SRCAP: variants seen among roughly 807,000 people sequenced by gnomAD.
SRCAP encodes the protein chromatin remodeling protein SRCAP.
A neutral mutation model predicts 263.1 loss-of-function variants in SRCAP; 46 were observed. That is an observed-to-expected ratio of 0.17 (90% CI 0.14 to 0.22). The LOEUF is 0.22. Among genes scored for constraint, SRCAP ranks in the 10% least tolerant of loss-of-function variants. The pLI, the probability that SRCAP is intolerant of heterozygous loss-of-function variation, is 1.00. For synonymous variants in SRCAP, 1,813 were observed against 1,662.1 expected, an observed-to-expected ratio of 1.09 and a Z score of -2.21; for missense variants, 3,695 against 4,181.9, an observed-to-expected ratio of 0.88 and a Z score of 3.21.
intron 3 of SRCAP, among the ~76,000 whole-genome samples, chr16:30,702,550 T>C (rs2052777807): frequency 3.1e-5 from 4 of 127,042 alleles, no homozygotes; most frequent in African/African-American, 6.0e-5. Context: ...TCCACCCTCC[T>C]TCCCTCCCTC....
chr16:30,735,136 A>ATTTTTTT lies in SRCAP; in HGVS notation c.6729+543_6729+549dup, dbSNP rs10532453. Among the ~76,000 whole-genome samples the ATTTTTTT allele has an allele frequency of 1.9e-5, 2 of 106,498 alleles. 1 individual carries two copies. Among genetic ancestry groups the ATTTTTTT allele is most frequent in the African/African-American group, 8.8e-5 (2 of 22,834 alleles). The allele number at this position is 106,498 out of a possible 152,430, so 69.9% of individuals were successfully genotyped here. ...CAGCGTTTCACATTAAGTACAAAGCATTTTTTTTTTTTTTTTTTTTTTTTT... is the reference window on the plus strand; with the variant it reads ...CAGCGTTTCACATTAAGTACAAAGCATTTTTTTTTTTTTTTTTTTTTTTTTTTTTTTT... On this transcript the variant is annotated intron_variant, in intron 31 of 33. Coordinates refer to ENST00000262518, the MANE Select transcript of SRCAP (RefSeq NM_006662.3).
Position 30,721,426 on chromosome 16 carries a change from C to G in SRCAP, c.3491C>G (p.Pro1164Arg). ...ATTTAVPAPTPAPQRLILSPD... is the reference protein window; with the variant it reads ...ATTTAVPAPTRAPQRLILSPD... The stretch of plus-strand genomic sequence containing the variant: ...ACCACAGCAGTGCCAGCTCCGACTC[C>G]TGCACCACAGCGCCTCATTCTATCT... The change falls in exon 21 of 34, where the codon CCT becomes CGT. Residue 1164 changes from proline (P) to arginine (R), a missense_variant. Physicochemically the swap from Pro to Arg is moderately radical, Grantham distance 103. This residue lies in a region of SRCAP where 1,347 missense variants were observed against 1,304.4 expected (regional missense o/e 1.03). Transcript: ENST00000262518. The G allele has an allele frequency of 6.2e-7, 1 of 1,613,246 alleles. No individual in the cohort carries two copies. The highest frequency in any genetic ancestry group is 8.5e-7 in the Non-Finnish European group (1 of 1,180,038).
rs747506695 is a variant in SRCAP at position 30,722,300 on chromosome 16, AC to A, written c.3706+19del. The A allele has an allele frequency of 6.2e-7, 1 of 1,608,778 alleles. No homozygotes were observed. Among genetic ancestry groups the A allele is most frequent in the South Asian group, 1.1e-5 (1 of 90,748 alleles). ...GCCCGCTGCAAAGTAGGTAAAACCC[AC>A]CCCCTGTCCTGCCTTTTTCCTCCTC... is the stretch of plus-strand genomic sequence containing the variant. On this transcript the variant is annotated intron_variant, in intron 22 of 33. Transcript: ENST00000262518.
chr16:30,721,736 G>A (rs1313261049), intron 21 of SRCAP, among the ~76,000 whole-genome samples: 1 of 152,254 alleles, frequency 6.6e-6, no homozygotes, highest in East Asian at 1.9e-4. Context: ...CATTATGCCA[G>A]ACATTGTCAG....
At position 30,736,491 on chromosome 16, in the gene SRCAP, G is replaced by A. The variant is rs544523842; in HGVS notation, c.6925-50G>A. 4.3e-6 allele frequency: 7 copies of A among 1,612,490 alleles called. No homozygotes were observed. The African/African-American group carries it at 8.0e-5, about 18-fold the overall frequency. ...TGGTGGGAATAAATAAGGGTGGTGGGGCCCTGGGTACCAGGTTCCTAAGTT... is the reference window on the plus strand; with the variant it reads ...TGGTGGGAATAAATAAGGGTGGTGGAGCCCTGGGTACCAGGTTCCTAAGTT... On this transcript the variant is annotated intron_variant, in intron 32 of 33. Coordinates refer to ENST00000262518, the MANE Select transcript of SRCAP (RefSeq NM_006662.3).
Position 30,738,330 on chromosome 16 carries a change from G to T in SRCAP, c.8290G>T (p.Val2764Leu), listed in dbSNP as rs373763235. 1.3e-6 allele frequency: 2 copies of T among 1,580,908 alleles called. No homozygotes were observed. Among genetic ancestry groups the T allele is most frequent in the South Asian group, 1.2e-5 (1 of 86,092 alleles). The change falls in exon 34 of 34, where the codon GTG (valine) becomes TTG (leucine). Residue 2764 changes from valine (V) to leucine (L), a missense_variant. Transcript: ENST00000262518. ...LVTVVEEKEL[V>L]RRRRQQRGAA... is the part of the protein sequence containing the mutation. ...AACTGTGGTAGAGGAAAAGGAACTG[G>T]TGCGGCGGCGGCGGCAGCAGCGGGG...
Position 30,737,621 on chromosome 16 carries a change from C to A in SRCAP, c.7581C>A (p.Leu2527=). ...GTCTTGTAACTCCTTCCTCTCCTCT[C>A]TTGCTTGGTCCACCTTCTGTGCCCA... is the stretch of plus-strand genomic sequence containing the variant. ...QTCLVTPSSP[L]LLGPPSVPIS... Residue 2527 remains leucine (L), a synonymous_variant, in exon 34 of 34, where the codon CTC becomes CTA. Coordinates refer to ENST00000262518, the MANE Select transcript of SRCAP (RefSeq NM_006662.3). 1.2e-6 allele frequency: 2 copies of A among 1,614,074 alleles called. No individual in the cohort carries two copies. Among genetic ancestry groups the A allele is most frequent in the African/African-American group, 2.7e-5 (2 of 75,036 alleles).
chr16:30,739,119 C>G lies in SRCAP; in HGVS notation c.9079C>G (p.Arg3027Gly). 1 of 1,614,188 alleles carries G rather than the reference C, an allele frequency of 6.2e-7. No individual in the cohort carries two copies. Among genetic ancestry groups the G allele is most frequent in the South Asian group, 1.1e-5 (1 of 91,088 alleles). Residue 3027 changes from arginine (R) to glycine (G), a missense_variant, in exon 34 of 34, where the codon CGT becomes GGT. Coordinates refer to ENST00000262518, the MANE Select transcript of SRCAP (RefSeq NM_006662.3). ...GCCCAGCCAGCTCCCCGTCTTGGAC[C>G]GTGACAGCACTTCTGTTCTCGAGAG... ...PRPSQLPVLD[R>G]DSTSVLESCG...
Position 30,723,107 on chromosome 16 carries a change from C to T in SRCAP, c.4037C>T (p.Pro1346Leu), listed in dbSNP as rs754800087. The change falls in exon 24 of 34, where the codon CCC becomes CTC. Residue 1346 changes from proline to leucine, a missense_variant. Coordinates refer to ENST00000262518, the MANE Select transcript of SRCAP (RefSeq NM_006662.3). ...CTTCCAGCTGTGTTGAATCCACGCC[C>T]CACGTTAACCCCTGGCCGGCTACCC... is the stretch of plus-strand genomic sequence containing the variant. ...SGLPAVLNPR[P>L]TLTPGRLPTP... The T allele has an allele frequency of 3.3e-5, 53 of 1,613,984 alleles. No homozygotes were observed. The highest frequency in any genetic ancestry group is 1.7e-6 in the Non-Finnish European group (2 of 1,180,014).
chr16:30,702,107 C>T (rs2052773466), intron 3 of SRCAP, among the ~76,000 whole-genome samples: 1 of 151,732 alleles, frequency 6.6e-6, no homozygotes, highest in Admixed American at 6.6e-5. Context: ...GTGCGCGCCA[C>T]CACGCCTGGC....
Position 30,720,705 on chromosome 16 carries a change from T to TC in SRCAP, c.2988-7dup. On this transcript the variant is annotated splice_region_variant and splice_polypyrimidine_tract_variant and intron_variant, in intron 19 of 33. Transcript: ENST00000262518. ...GTCCCTACCCACTCTCTTAATTTTT[T>TC]CTCACAGGATGCTGCAGCCAGTACC... 6.3e-7 allele frequency: 1 copy of TC among 1,581,404 alleles called. No individual in the cohort carries two copies. The highest frequency in any genetic ancestry group is 8.6e-7 in the Non-Finnish European group (1 of 1,161,152).
Position 30,724,138 on chromosome 16 carries a change from C to A in SRCAP, c.4714C>A (p.Leu1572Ile). Residue 1572 changes from leucine to isoleucine, a missense_variant, in exon 25 of 34, where the codon CTT (leucine) becomes ATT (isoleucine). Physicochemically the swap from Leu to Ile is conservative, Grantham distance 5. Coordinates refer to ENST00000262518, the MANE Select transcript of SRCAP (RefSeq NM_006662.3). Reference protein sequence around the residue: ...APNPAPAQASLLAPASSASQA... With the variant: ...APNPAPAQASILAPASSASQA... ...AAATCCAGCTCCAGCTCAGGCTTCCCTTCTGGCTCCAGCATCTTCTGCATC... is the reference window on the plus strand; with the variant it reads ...AAATCCAGCTCCAGCTCAGGCTTCCATTCTGGCTCCAGCATCTTCTGCATC... 1 of 1,614,080 alleles carries A rather than the reference C, an allele frequency of 6.2e-7. No homozygotes were observed.
chr16:30,721,279 G>A lies in SRCAP; in HGVS notation c.3344G>A (p.Arg1115His), dbSNP rs748378605. Reference sequence around the variant, plus strand: ...AAGCCAACACCACCTGCCCCAGTTCGCCTGAGCCCAGCCCCACCTCCAGGC... The same window carrying A: ...AAGCCAACACCACCTGCCCCAGTTCACCTGAGCCCAGCCCCACCTCCAGGC... ...SLKPTPPAPV[R>H]LSPAPPPGSS... is the part of the protein sequence containing the mutation. The change falls in exon 21 of 34, where the codon CGC (arginine) becomes CAC (histidine). Residue 1115 changes from arginine (R) to histidine (H), a missense_variant. Around this residue, in one of 12 missense-constraint regions of SRCAP, gnomAD observed 1,347 missense variants for 1,304.4 expected, o/e 1.03. Coordinates refer to ENST00000262518, the MANE Select transcript of SRCAP (RefSeq NM_006662.3). The A allele has an allele frequency of 5.6e-6, 9 of 1,613,996 alleles. No individual in the cohort carries two copies. The East Asian group carries it at 6.7e-5, about 12-fold the overall frequency.
chr16:30,726,547 G>A (rs1222752089), intron 25 of SRCAP, among the ~76,000 whole-genome samples: 1 of 150,176 alleles, frequency 6.7e-6, no homozygotes, highest in East Asian at 1.9e-4. Context: ...TTGAGAAGGA[G>A]TCTTGCTCTG....
Position 30,739,265 on chromosome 16 carries a change from A to G in SRCAP, c.9225A>G (p.Gly3075=), listed in dbSNP as rs778846430. The G allele has an allele frequency of 2.5e-6, 4 of 1,613,994 alleles. No homozygotes were observed. The highest frequency in any genetic ancestry group is 3.4e-6 in the Non-Finnish European group (4 of 1,180,020). Residue 3075 remains glycine (G), a synonymous_variant, in exon 34 of 34, where the codon GGA becomes GGG. Transcript: ENST00000262518. ...RLARLRLEAE[G]MRGRKSGGSM... is the part of the protein sequence containing the mutation. ...CCCGCCTTCGGCTTGAAGCAGAAGGAATGCGAGGACGGAAGAGTGGAGGGT... is the reference window on the plus strand; with the variant it reads ...CCCGCCTTCGGCTTGAAGCAGAAGGGATGCGAGGACGGAAGAGTGGAGGGT...
In SRCAP at chr16:30,699,247, G is replaced by A. The variant is rs1467237352; in HGVS notation, c.-284+5G>A. On this transcript the variant is annotated splice_donor_5th_base_variant and intron_variant, in intron 1 of 33. Transcript: ENST00000262518. Reference sequence around the variant, plus strand: ...GTTAAGGCTTGTTGGCTTCTGGTGAGCTCGGGTCTTGGGAACGTGTGGCGG... The same window carrying A: ...GTTAAGGCTTGTTGGCTTCTGGTGAACTCGGGTCTTGGGAACGTGTGGCGG... 5 of 398,608 alleles carry A rather than the reference G, an allele frequency of 1.3e-5. No homozygotes were observed. Among genetic ancestry groups the A allele is most frequent in the Non-Finnish European group, 1.3e-5 (3 of 226,128 alleles). The allele number at this position is 398,608 out of a possible 1,614,324, so 24.7% of individuals were successfully genotyped here. A position where few individuals can be genotyped will look rare whatever the true frequency, so the allele number is the denominator to read the frequency against.
chr16:30,720,125 GTTC>G (rs1311990913), intron 18 of SRCAP, 34 bp from the exon 19 acceptor site: 10 of 1,585,196 alleles, frequency 6.3e-6, no homozygotes, highest in Middle Eastern at 1.7e-4. Flanking sequence ...ATGTGATTTT[GTTC>G]TTCTTTATGA....
chr16:30,712,485 C>A, intron 13 of SRCAP, 46 bp downstream of exon 13: 6 of 1,535,218 alleles, frequency 3.9e-6, no homozygotes, highest in South Asian at 1.3e-5. Context: ...GTCTAGCTCC[C>A]TGGGAGCTTG....
At chr16:30,713,014 C>T (rs2052908960) in intron 14 of SRCAP, among the ~76,000 whole-genome samples, 194 bp from the exon 15 acceptor site, 1 of 152,126 alleles carries the variant, frequency 6.6e-6, no homozygotes, top group African/African-American at 2.4e-5. Context: ...CCCACCTCAA[C>T]CTCCCAAAGT....
Sources: allele counts gnomAD v4.1 joint callset (sites outside exome capture counted in the v4.1 genomes callset), GRCh38; gene constraint gnomAD v4.1.1; regional missense constraint gnomAD v4.1.1; transcripts MANE v1.5; gene names NCBI Gene and HGNC (gene_info 2026-07-23, HGNC 2026-07-21).